TOMM70: variants seen among roughly 807,000 people sequenced by gnomAD.
TOMM70 encodes translocase of outer mitochondrial membrane 70.
A neutral mutation model predicts 73.6 loss-of-function variants in TOMM70; 13 were observed. That is an observed-to-expected ratio of 0.18 (90% CI 0.11 to 0.28). TOMM70 has a LOEUF of 0.28. Ranked by LOEUF, TOMM70 falls within the 10% of genes least tolerant of loss-of-function variation. TOMM70 has a pLI of 1.00. For missense variants in TOMM70, 609 were observed against 747.5 expected, an observed-to-expected ratio of 0.81 and a Z score of 2.16; for synonymous variants, 257 against 271.2, an observed-to-expected ratio of 0.95 and a Z score of 0.51.
At position 100,365,425 on chromosome 3, in the gene TOMM70, A is replaced by C; in HGVS notation, c.*139T>G. The C allele has an allele frequency of 7.6e-7, 1 of 1,315,778 alleles. No homozygotes were observed. The highest frequency in any genetic ancestry group is 1.0e-6 in the Non-Finnish European group (1 of 960,608). 81.5% of individuals were successfully genotyped at this position (1,315,778 alleles called of 1,614,324 possible). Reference sequence around the variant, plus strand: ...CCACACCCACAACACCTAGACATGAAACAGATGTAACAAATAACAACACCA... The same window carrying C: ...CCACACCCACAACACCTAGACATGACACAGATGTAACAAATAACAACACCA... On this transcript the variant is annotated 3_prime_UTR_variant, in exon 12 of 12. Coordinates refer to ENST00000284320, the MANE Select transcript of TOMM70 (RefSeq NM_014820.5).
In TOMM70 at chr3:100,364,392, A is replaced by G. The variant is rs1706425013; in HGVS notation, c.*1172T>C. On this transcript the variant is annotated 3_prime_UTR_variant, in exon 12 of 12. Transcript: ENST00000284320. ...AGCACTAAACTTGTTATTTCAGGAA[A>G]TACTATGCTCTGGCTCCAAGTCTTA... 6.6e-6 allele frequency: 1 copy of G among 152,182 alleles called. No individual in the cohort carries two copies. Among genetic ancestry groups the G allele is most frequent in the African/African-American group, 2.4e-5 (1 of 41,444 alleles). The allele number at this position is 152,182 out of a possible 1,614,324, so 9.4% of individuals were successfully genotyped here.
At chr3:100,390,553 T>C (rs949543916) in intron 1 of TOMM70, among the ~76,000 whole-genome samples, 2 of 152,188 alleles carry the variant, frequency 1.3e-5, no homozygotes, top group Non-Finnish European at 2.9e-5. Flanking sequence ...TGGGGCCGGG[T>C]GCAGTGGCTC....
Position 100,368,027 on chromosome 3 carries a change from CAGACTCCAGA to C in TOMM70, c.1673+7_1673+16del. The stretch of plus-strand genomic sequence containing the variant: ...TATGGAGCTACCATATATTTCCTAA[CAGACTCCAGA>C]AGTTACCTTTGTACTTCAATAGTTC... On this transcript the variant is annotated splice_region_variant and intron_variant, in intron 11 of 11. Transcript: ENST00000284320. 6 of 1,609,340 alleles carry C rather than the reference CAGACTCCAGA, an allele frequency of 3.7e-6. No homozygotes were observed. Among genetic ancestry groups the C allele is most frequent in the Non-Finnish European group, 5.1e-6 (6 of 1,178,198 alleles).
chr3:100,363,556 T>A lies in TOMM70; in HGVS notation c.*2008A>T, dbSNP rs948857490. The A allele has an allele frequency of 6.6e-6, 1 of 152,596 alleles. No homozygotes were observed. The highest frequency in any genetic ancestry group is 2.4e-5 in the African/African-American group (1 of 41,428). 9.5% of individuals were successfully genotyped at this position (152,596 alleles called of 1,614,324 possible). On this transcript the variant is annotated 3_prime_UTR_variant, in exon 12 of 12. Transcript: ENST00000284320. ...CAGCTTTCAGTGCAGTTTCAAACAT[T>A]TTCACAACAGGCAATAGTCCATGAG...
chr3:100,369,560 G>A (rs1706485932), intron 9 of TOMM70, among the ~76,000 whole-genome samples: 1 of 151,258 alleles, frequency 6.6e-6, no homozygotes, highest in Admixed American at 6.6e-5. Flanking sequence ...GGGTGTAGTG[G>A]CGCAATCTCT....
chr3:100,373,743 A>G, intron 7 of TOMM70, 98 bp from the exon 8 acceptor site: 18 of 662,878 alleles, frequency 2.7e-5, no homozygotes, highest in Non-Finnish European at 4.5e-5. Flanking sequence ...AATGCTGAGC[A>G]TGTAGTAGTA....
intron 9 of TOMM70, among the ~76,000 whole-genome samples, chr3:100,370,316 T>C (rs1706495529): frequency 1.3e-5 from 2 of 152,232 alleles, no homozygotes; most frequent in South Asian, 4.1e-4. Flanking sequence ...GGCAGTGCTG[T>C]ATCTTGCTTT....
At chr3:100,393,596 G>A (rs1202355801) in intron 1 of TOMM70, among the ~76,000 whole-genome samples, 1 of 152,136 alleles carries the variant, frequency 6.6e-6, no homozygotes, top group Non-Finnish European at 1.5e-5. Context: ...AAAAGATATT[G>A]AAATAAAAAA....
At chr3:100,377,981 T>C in intron 5 of TOMM70, 69 bp from the exon 6 acceptor site, 1 of 1,396,736 alleles carries the variant, frequency 7.2e-7, no homozygotes. Context: ...GTGTGGTGGC[T>C]CACGCCTGTA....
chr3:100,395,890 T>C (rs1706820433), intron 1 of TOMM70, among the ~76,000 whole-genome samples: 1 of 152,018 alleles, frequency 6.6e-6, no homozygotes, highest in Non-Finnish European at 1.5e-5. Flanking sequence ...TGCTATAAAA[T>C]GGAAAAGTCC....
In TOMM70 at chr3:100,378,530, C is replaced by T. The variant is rs73862473; in HGVS notation, c.885-618G>A. Among the ~76,000 whole-genome samples, 780 of 152,174 alleles carry T rather than the reference C, an allele frequency of 5.1e-3. 7 individuals carry two copies. The highest frequency in any genetic ancestry group is 0.018 in the African/African-American group (738 of 41,514). On this transcript the variant is annotated intron_variant, in intron 5 of 11. Transcript: ENST00000284320. ...TTTAGATACTGAAAAGATGAGCTAA[C>T]GAAAGAGAGACTGATCTGCAACATA... is the stretch of plus-strand genomic sequence containing the variant.
chr3:100,387,761 G>A (rs886663062), intron 1 of TOMM70, among the ~76,000 whole-genome samples: 3 of 151,360 alleles, frequency 2.0e-5, no homozygotes, highest in Admixed American at 6.6e-5. Context: ...TCAGCCTCCC[G>A]AGTAGCTAGG....
intron 3 of TOMM70, 111 bp from the exon 4 acceptor site, chr3:100,384,699 A>G: frequency 1.6e-6 from 1 of 625,740 alleles, no homozygotes; most frequent in Non-Finnish European, 2.6e-6. Context: ...TCATGGCCAA[A>G]TGGGACTGTT....
In TOMM70 at chr3:100,375,057, G is replaced by A. The variant is rs1293467746; in HGVS notation, c.1188C>T (p.Ile396=). The A allele has an allele frequency of 7.5e-6, 12 of 1,608,394 alleles. No individual in the cohort carries two copies. Among genetic ancestry groups the A allele is most frequent in the East Asian group, 2.2e-5 (1 of 44,446 alleles). The change falls in exon 7 of 12, where the codon ATC becomes ATT. Residue 396 remains isoleucine (I), a synonymous_variant. Coordinates refer to ENST00000284320, the MANE Select transcript of TOMM70 (RefSeq NM_014820.5). ...STQDFNMAAD[I]DPQNADVYHH... is the part of the protein sequence containing the mutation. ...GATAAACATCTGCATTCTGAGGATC[G>A]ATGTCAGCAGCCATGTTAAAATCTT...
At chr3:100,386,429 TAA>T in intron 2 of TOMM70, 85 bp from the exon 3 acceptor site, 3 of 1,342,162 alleles carry the variant, frequency 2.2e-6, no homozygotes, top group Non-Finnish European at 3.0e-6. Flanking sequence ...GGTTGAGTAT[TAA>T]AAGTCCTAGA....
rs566055482 is a variant in TOMM70, at chr3:100,388,529, A to C, written c.325-1551T>G. On this transcript the variant is annotated intron_variant, in intron 1 of 11. Coordinates refer to ENST00000284320, the MANE Select transcript of TOMM70 (RefSeq NM_014820.5). ...GGAGTTTGAGATTAGCCTGGACAAC[A>C]TATTGAGACATTGAGACCAGACTCT... 7.3e-4 allele frequency among the ~76,000 whole-genome samples: 111 copies of C among 152,290 alleles called. No homozygotes were observed. In the South Asian group the frequency reaches 0.011, roughly 15 times the overall value.
intron 1 of TOMM70, among the ~76,000 whole-genome samples, chr3:100,396,721 A>G (rs939842704): frequency 4.5e-4 from 69 of 152,234 alleles, no homozygotes; most frequent in African/African-American, 1.6e-3. Context: ...GGTAGATTTT[A>G]TAATAGTTCA....
In TOMM70 at chr3:100,386,840, A is replaced by G. The variant is rs1468585152; in HGVS notation, c.463T>C (p.Phe155Leu). 6.2e-7 allele frequency: 1 copy of G among 1,614,166 alleles called. No homozygotes were observed. The highest frequency in any genetic ancestry group is 1.1e-5 in the South Asian group (1 of 91,086). The part of the protein sequence containing the change: ...PTEKNVDLST[F>L]YQNRAAAFEQ... ...AAGGCAGCAGCTCTGTTTTGATAAA[A>G]TGTAGAAAGGTCAACATTCTTCTCT... is the stretch of plus-strand genomic sequence containing the variant. The change falls in exon 2 of 12, where the codon TTT becomes CTT. Residue 155 changes from phenylalanine to leucine, a missense_variant. By Grantham distance (22) the Phe-to-Leu change is conservative (BLOSUM62 0). This residue lies in a region of TOMM70 where 432 missense variants were observed against 584.1 expected (regional missense o/e 0.74). Transcript: ENST00000284320.
chr3:100,376,514 C>CCATCATG (rs1390529566), intron 6 of TOMM70, among the ~76,000 whole-genome samples: 7 of 151,980 alleles, frequency 4.6e-5, no homozygotes, highest in African/African-American at 1.7e-4. Flanking sequence ...CATGCACATG[C>CCATCATG]CATCATGCCC....
Sources: allele counts gnomAD v4.1 joint callset (sites outside exome capture counted in the v4.1 genomes callset), GRCh38; gene constraint gnomAD v4.1.1; regional missense constraint gnomAD v4.1.1; transcripts MANE v1.5; gene names NCBI Gene and HGNC (gene_info 2026-07-23, HGNC 2026-07-21).